The following TTC28 variants were observed in gnomAD, a reference collection of about 807,000 sequenced individuals.
TTC28 encodes tetratricopeptide repeat domain 28.
In TTC28, 61 loss-of-function variants were observed where a neutral mutation model predicts 198.0. That is an observed-to-expected ratio of 0.31 (90% CI 0.25 to 0.38). The LOEUF (loss-of-function observed/expected upper bound fraction) is 0.38. Ranked by LOEUF, TTC28 falls within the 10% of genes least tolerant of loss-of-function variation. The pLI, the probability that TTC28 is intolerant of heterozygous loss-of-function variation, is 1.00. For missense variants in TTC28, 2,678 were observed against 3,164.0 expected (o/e 0.85, Z 3.69); for synonymous variants, 1,171 against 1,297.8 (o/e 0.90, Z 2.10).
chr22:28,402,759 A>G (rs1386530654), intron 2 of TTC28, among the ~76,000 whole-genome samples: 1 of 152,208 alleles, frequency 6.6e-6, no homozygotes, highest in Non-Finnish European at 1.5e-5. Flanking sequence ...TACTGTTAAA[A>G]TGTAAAGCAG....
At position 27,981,230 on chromosome 22, in the gene TTC28, A is replaced by ATTTTTTTTTTTTTTTTTTT. The variant is rs138635; in HGVS notation, c.*972_*990dup. On this transcript the variant is annotated 3_prime_UTR_variant, in exon 23 of 23. Coordinates refer to ENST00000397906, the MANE Select transcript of TTC28 (RefSeq NM_001145418.2). ...TGGTTAAATCTAGTTAGCCATGGAAATTTTTTTTTTTTTTTTTTTTTTTTT... is the reference window on the plus strand; with the variant it reads ...TGGTTAAATCTAGTTAGCCATGGAAATTTTTTTTTTTTTTTTTTTTTTTTTTTTTTTTTTTTTTTTTTTT... 4 of 48,218 alleles carry ATTTTTTTTTTTTTTTTTTT rather than the reference A, an allele frequency of 8.3e-5. No homozygotes were observed. The highest frequency in any genetic ancestry group is 1.3e-4 in the African/African-American group (2 of 15,520). The allele number at this position is 48,218 out of a possible 1,614,324, so 3.0% of individuals were successfully genotyped here. A position where few individuals can be genotyped will look rare whatever the true frequency, so the allele number is the denominator to read the frequency against.
chr22:28,573,781 A>G (rs1315862787), intron 2 of TTC28, among the ~76,000 whole-genome samples: 1 of 152,072 alleles, frequency 6.6e-6, no homozygotes, highest in East Asian at 1.9e-4. Flanking sequence ...GCTATCAAAT[A>G]CTAGATCTTA....
intron 5 of TTC28, among the ~76,000 whole-genome samples, chr22:28,283,325 T>TACAC (rs35766225): frequency 0.016 from 2,459 of 149,606 alleles, 30 homozygotes; most frequent in East Asian, 0.06. Context: ...CTTTCTCTCT[T>TACAC]ACACACACAC....
intron 6 of TTC28, among the ~76,000 whole-genome samples, chr22:28,116,157 C>A (rs1311851027): frequency 6.6e-6 from 1 of 152,172 alleles, no homozygotes; most frequent in African/African-American, 2.4e-5. Flanking sequence ...CTCCCACCAC[C>A]ATCCCAAAGG....
intron 5 of TTC28, among the ~76,000 whole-genome samples, chr22:28,253,308 ATTTAAC>A (rs1349173628): frequency 1.3e-5 from 2 of 152,220 alleles, no homozygotes; most frequent in Non-Finnish European, 2.9e-5. Flanking sequence ...TAGTTCTGGT[ATTTAAC>A]TTTAATTATA....
chr22:28,511,771 T>A (rs867706069), intron 2 of TTC28, among the ~76,000 whole-genome samples: 2 of 151,030 alleles, frequency 1.3e-5, no homozygotes, highest in African/African-American at 4.9e-5. Context: ...TGAGCTGAGA[T>A]CATGCCACTG....
Position 28,255,894 on chromosome 22 carries a change from T to C in TTC28, c.933+40304A>G, listed in dbSNP as rs572496776. 4.6e-5 allele frequency among the ~76,000 whole-genome samples: 7 copies of C among 152,234 alleles called. No individual in the cohort carries two copies. The South Asian group carries it at 1.5e-3, about 32-fold the overall frequency. On this transcript the variant is annotated intron_variant, in intron 5 of 22. Coordinates refer to ENST00000397906, the MANE Select transcript of TTC28 (RefSeq NM_001145418.2). ...ATGACTATTTTTGGATTGTTTGTTA[T>C]AGTAGGATAAGCTAGCCTGTCCTTT...
chr22:28,155,584 G>A (rs936940862), intron 6 of TTC28, among the ~76,000 whole-genome samples: 5 of 152,150 alleles, frequency 3.3e-5, no homozygotes, highest in Admixed American at 6.5e-5. Context: ...ATGGTATTTG[G>A]GATAATCCTA....
At chr22:28,550,099 C>T (rs2049634174) in intron 2 of TTC28, among the ~76,000 whole-genome samples, 1 of 152,048 alleles carries the variant, frequency 6.6e-6, no homozygotes, top group South Asian at 2.1e-4. Context: ...TGAGATGCAA[C>T]AGTCTAACAG....
At chr22:28,217,722 A>G (rs992982773) in intron 5 of TTC28, among the ~76,000 whole-genome samples, 2 of 152,222 alleles carry the variant, frequency 1.3e-5, no homozygotes, top group Middle Eastern at 3.2e-3. Context: ...AATAAGTACA[A>G]TTCCAACAAA....
chr22:28,016,636 C>A (rs896055911), intron 13 of TTC28, among the ~76,000 whole-genome samples: 4 of 152,230 alleles, frequency 2.6e-5, no homozygotes, highest in African/African-American at 9.6e-5. Context: ...TGCCCCCAGA[C>A]AGTGCTGTGG....
intron 2 of TTC28, among the ~76,000 whole-genome samples, chr22:28,501,514 A>G (rs966187478): frequency 2.6e-5 from 4 of 152,206 alleles, no homozygotes; most frequent in African/African-American, 9.6e-5. Context: ...TGTCATTCCA[A>G]TGAAAAATTA....
At chr22:28,036,203 A>G (rs1326930144) in intron 12 of TTC28, among the ~76,000 whole-genome samples, 1 of 152,202 alleles carries the variant, frequency 6.6e-6, no homozygotes, top group Non-Finnish European at 1.5e-5. Context: ...TCTCAGCATC[A>G]CATCGGACTT....
intron 2 of TTC28, among the ~76,000 whole-genome samples, chr22:28,334,969 A>C (rs2045684865): frequency 6.6e-6 from 1 of 152,148 alleles, no homozygotes; most frequent in African/African-American, 2.4e-5. Context: ...GTTTTCTTCT[A>C]GGGTTTTTAT....
rs1232093480 is a variant in TTC28, at chr22:28,582,010, G to GA, written c.381+47541dup. Among the ~76,000 whole-genome samples the GA allele has an allele frequency of 2.0e-5, 3 of 150,910 alleles. No homozygotes were observed. In the East Asian group the frequency reaches 5.8e-4, roughly 29 times the overall value. On this transcript the variant is annotated intron_variant, in intron 2 of 22. Transcript: ENST00000397906. ...ATATTATTAAGTGGTTTCCTTTTTT[G>GA]AAAAAAAGCAACATTACTATAATAA...
Position 28,595,692 on chromosome 22 carries a change from G to A in TTC28, c.381+33860C>T, listed in dbSNP as rs1320221437. Among the ~76,000 whole-genome samples the A allele has an allele frequency of 2.6e-5, 4 of 152,188 alleles. No homozygotes were observed. In the East Asian group the frequency reaches 5.8e-4, roughly 22 times the overall value. Reference sequence around the variant, plus strand: ...TGTAATCATAGCACTTTGGGAGGCCGAGGCAGGCGGCTCATGAGGTCAAGA... The same window carrying A: ...TGTAATCATAGCACTTTGGGAGGCCAAGGCAGGCGGCTCATGAGGTCAAGA... On this transcript the variant is annotated intron_variant, in intron 2 of 22. Coordinates refer to ENST00000397906, the MANE Select transcript of TTC28 (RefSeq NM_001145418.2).
intron 1 of TTC28, 136 bp from the exon 2 acceptor site, chr22:28,629,966 G>C: frequency 1.3e-6 from 1 of 748,150 alleles, no homozygotes; most frequent in Non-Finnish European, 2.1e-6. Flanking sequence ...GGCCTAATGG[G>C]AGGTGTTTAG....
At chr22:28,332,768 A>G (rs1443458283) in intron 2 of TTC28, among the ~76,000 whole-genome samples, 1 of 152,102 alleles carries the variant, frequency 6.6e-6, no homozygotes, top group African/African-American at 2.4e-5. Context: ...TTTGCAAGAT[A>G]TCTTTTTTAT....
intron 2 of TTC28, among the ~76,000 whole-genome samples, chr22:28,321,925 G>A (rs1220636735): frequency 1.1e-4 from 17 of 152,128 alleles, no homozygotes; most frequent in East Asian, 5.8e-4. Flanking sequence ...TCCACCTCCC[G>A]GGTTCAAGCG....
Sources: allele counts gnomAD v4.1 joint callset (sites outside exome capture counted in the v4.1 genomes callset), GRCh38; gene constraint gnomAD v4.1.1; transcripts MANE v1.5; gene names NCBI Gene and HGNC (gene_info 2026-07-23, HGNC 2026-07-21).